The following DLG1 variants were observed in gnomAD, a reference collection of about 807,000 sequenced individuals.
DLG1 encodes disks large homolog 1.
A neutral mutation model predicts 123.4 loss-of-function variants in DLG1; 42 were observed. The ratio of observed to expected loss-of-function variants is 0.34; its 90% CI spans 0.27 to 0.44. The LOEUF is 0.44. DLG1 is among the 20% of genes least tolerant of loss of function. The pLI is 1.00. For missense variants in DLG1, 942 were observed against 1,082.6 expected, an observed-to-expected ratio of 0.87 and a Z score of 1.82; for synonymous variants, 317 against 356.2, an observed-to-expected ratio of 0.89 and a Z score of 1.24.
chr3:197,242,345 A>G (rs1223028520), intron 4 of DLG1, among the ~76,000 whole-genome samples: 1 of 152,236 alleles, frequency 6.6e-6, no homozygotes, highest in East Asian at 1.9e-4. Context: ...ATAGTAGGAG[A>G]CTTTAATACC....
At chr3:197,076,795 T>C (rs1057190981) in intron 17 of DLG1, 110 bp from the exon 18 acceptor site, 1 of 551,602 alleles carries the variant, frequency 1.8e-6, no homozygotes. Flanking sequence ...AGTGTGCAGT[T>C]TGTATATGAT....
intron 7 of DLG1, among the ~76,000 whole-genome samples, chr3:197,141,016 C>T (rs963483223): frequency 1.3e-5 from 2 of 152,116 alleles, no homozygotes; most frequent in Non-Finnish European, 1.5e-5. Flanking sequence ...TACAAAAAGC[C>T]TTTAAAAATA....
At chr3:197,217,381 A>G (rs1344158736) in intron 4 of DLG1, among the ~76,000 whole-genome samples, 1 of 152,240 alleles carries the variant, frequency 6.6e-6, no homozygotes, top group African/African-American at 2.4e-5. Context: ...CTACTTCAAG[A>G]TTATGAACCA....
chr3:197,246,573 A>G (rs1434599790), intron 4 of DLG1, among the ~76,000 whole-genome samples: 1 of 152,202 alleles, frequency 6.6e-6, no homozygotes, highest in Non-Finnish European at 1.5e-5. Context: ...TAGACTGAAT[A>G]AATTTGGGCC....
intron 11 of DLG1, among the ~76,000 whole-genome samples, chr3:197,121,211 A>T (rs1443838957): frequency 1.3e-5 from 2 of 152,164 alleles, no homozygotes; most frequent in Non-Finnish European, 2.9e-5. Context: ...ATACTCTCAG[A>T]CAACAGAGAC....
At chr3:197,164,519 A>G (rs1176073894) in intron 5 of DLG1, among the ~76,000 whole-genome samples, 1 of 152,136 alleles carries the variant, frequency 6.6e-6, no homozygotes, top group East Asian at 1.9e-4. Context: ...GTTTTAAGAT[A>G]GTCTTTTGAA....
At chr3:197,276,204 C>A (rs1766337864) in intron 4 of DLG1, among the ~76,000 whole-genome samples, 1 of 152,188 alleles carries the variant, frequency 6.6e-6, no homozygotes, top group Non-Finnish European at 1.5e-5. Flanking sequence ...TTAAATGGCT[C>A]TACCATAATG....
Position 197,089,727 on chromosome 3 carries a change from A to G in DLG1, c.1661+1185T>C, listed in dbSNP as rs182542739. On this transcript the variant is annotated intron_variant, in intron 15 of 24. Coordinates refer to ENST00000667157, the MANE Select transcript of DLG1 (RefSeq NM_001366207.1). Reference sequence around the variant, plus strand: ...TAGGAAATGTAGATAAGCAAAAAAAAAGAAAGTGTAAAAAAGAGAGTAGAA... The same window carrying G: ...TAGGAAATGTAGATAAGCAAAAAAAGAGAAAGTGTAAAAAAGAGAGTAGAA... 1.7e-3 allele frequency among the ~76,000 whole-genome samples: 265 copies of G among 152,210 alleles called. 6 individuals are homozygous for G. In the East Asian group the frequency reaches 0.03, roughly 17 times the overall value.
At chr3:197,136,826 T>C in intron 9 of DLG1, 148 bp from the exon 10 acceptor site, 1 of 631,248 alleles carries the variant, frequency 1.6e-6, no homozygotes, top group Middle Eastern at 2.9e-4. Context: ...TAGTATATGT[T>C]CTGCAATCAA....
intron 4 of DLG1, among the ~76,000 whole-genome samples, chr3:197,215,948 A>T (rs1733916734): frequency 1.3e-5 from 2 of 152,190 alleles, no homozygotes. Context: ...TATCTACTCA[A>T]TATTGAATAA....
chr3:197,235,549 C>T (rs1745535030), intron 4 of DLG1, among the ~76,000 whole-genome samples: 1 of 152,158 alleles, frequency 6.6e-6, no homozygotes, highest in Admixed American at 6.5e-5. Flanking sequence ...GACAGTCAAG[C>T]CTTAGCATTA....
chr3:197,290,969 T>TA (rs1774573215), intron 3 of DLG1, among the ~76,000 whole-genome samples: 3 of 147,770 alleles, frequency 2.0e-5, no homozygotes, highest in African/African-American at 7.5e-5. Context: ...GTGCCCTAAG[T>TA]AAAGAGACGT....
intron 4 of DLG1, among the ~76,000 whole-genome samples, chr3:197,267,505 T>C (rs1288435477): frequency 1.3e-5 from 2 of 152,168 alleles, no homozygotes; most frequent in African/African-American, 2.4e-5. Flanking sequence ...CACTTCTTAG[T>C]AGGACCCTAT....
At chr3:197,264,679 G>A (rs1205879820) in intron 4 of DLG1, among the ~76,000 whole-genome samples, 2 of 152,062 alleles carry the variant, frequency 1.3e-5, no homozygotes, top group Non-Finnish European at 2.9e-5. Flanking sequence ...CACCTGCCTC[G>A]GCCTCCCAAA....
intron 11 of DLG1, among the ~76,000 whole-genome samples, chr3:197,126,467 TA>T (rs199610067): frequency 3.2e-4 from 46 of 142,314 alleles, no homozygotes; most frequent in Admixed American, 4.2e-4. Flanking sequence ...AACTCCATCT[TA>T]AAAAAAAAAA....
intron 4 of DLG1, among the ~76,000 whole-genome samples, chr3:197,232,716 G>A (rs1352110280): frequency 3.3e-5 from 5 of 150,842 alleles, no homozygotes; most frequent in East Asian, 3.9e-4. Context: ...GATATGCAAC[G>A]CACAGTTGAT....
intron 16 of DLG1, 80 bp downstream of exon 16, chr3:197,085,500 T>G: frequency 1.4e-6 from 2 of 1,440,764 alleles, no homozygotes; most frequent in Non-Finnish European, 1.9e-6. Context: ...TCCATCCATG[T>G]TGTCACAAAT....
intron 5 of DLG1, among the ~76,000 whole-genome samples, chr3:197,150,409 T>C (rs1235228075): frequency 6.6e-6 from 1 of 152,092 alleles, no homozygotes; most frequent in Non-Finnish European, 1.5e-5. Flanking sequence ...ACACACCTAG[T>C]TAAGTTTGGA....
At chr3:197,298,693 G>C (rs2151321301), upstream of DLG1, 1 of 397,798 alleles carries the variant, frequency 2.5e-6, no homozygotes, top group Middle Eastern at 6.3e-4. Context: ...GCCTGGGAGA[G>C]GGAGAGGGAG....
Sources: allele counts gnomAD v4.1 joint callset (sites outside exome capture counted in the v4.1 genomes callset), GRCh38; gene constraint gnomAD v4.1.1; transcripts MANE v1.5; gene names NCBI Gene and HGNC (gene_info 2026-07-23, HGNC 2026-07-21).